PROSER1: variants seen among roughly 807,000 people sequenced by gnomAD.
PROSER1 encodes the protein proline and serine-rich protein 1.
In PROSER1, 36 loss-of-function variants were observed where a neutral mutation model predicts 71.8. That is an observed-to-expected ratio of 0.50 (90% CI 0.38 to 0.66). The LOEUF (loss-of-function observed/expected upper bound fraction) is 0.66. Ranked by LOEUF, PROSER1 falls within the 30% of genes least tolerant of loss-of-function variation. The pLI is 0.00. For synonymous variants in PROSER1, 490 were observed against 452.4 expected (o/e 1.08, Z -1.06); for missense variants, 1,107 against 1,135.0 (o/e 0.98, Z 0.35).
At chr13:39,037,130 T>C (rs532326565) in intron 1 of PROSER1, 68 bp downstream of exon 1, 12 of 1,179,390 alleles carry the variant, frequency 1.0e-5, no homozygotes, top group African/African-American at 9.0e-5. Context: ...CTCCATACAG[T>C]ACCTCAAAGA....
rs754440952 is a variant in PROSER1, at chr13:39,037,243, C to A, written c.-1G>T. On this transcript the variant is annotated 5_prime_UTR_variant, in exon 1 of 13. Coordinates refer to ENST00000352251, the MANE Select transcript of PROSER1 (RefSeq NM_025138.5). ...CCATTTCAAAGGACTTTTTATCCATCTTGACTACTATCCCGACGTGGTTTT... is the reference window on the plus strand; with the variant it reads ...CCATTTCAAAGGACTTTTTATCCATATTGACTACTATCCCGACGTGGTTTT... The A allele has an allele frequency of 6.2e-7, 1 of 1,608,816 alleles. No individual in the cohort carries two copies. The highest frequency in any genetic ancestry group is 2.2e-5 in the East Asian group (1 of 44,834).
Position 39,013,776 on chromosome 13 carries a change from A to G in PROSER1, c.1476T>C (p.Ala492=). 6.2e-7 allele frequency: 1 copy of G among 1,614,220 alleles called. No individual in the cohort carries two copies. Among genetic ancestry groups the G allele is most frequent in the Non-Finnish European group, 8.5e-7 (1 of 1,180,030 alleles). Residue 492 remains alanine, a synonymous_variant, in exon 11 of 13, where the codon GCT becomes GCC. Transcript: ENST00000352251. ...ATAGTGAAGCCAGCCCACTTGTGAC[A>G]GCAGAGGATAAAGCAGAGGAGTTGA... ...NLINSSALSS[A]VTSGLASLSS... is the part of the protein sequence containing the mutation.
At chr13:39,029,619 C>A (rs545957847) in intron 3 of PROSER1, among the ~76,000 whole-genome samples, 2 of 152,090 alleles carry the variant, frequency 1.3e-5, no homozygotes, top group Middle Eastern at 6.8e-3. Flanking sequence ...CCTTTTTTAT[C>A]CATTTCTCAA....
intron 5 of PROSER1, among the ~76,000 whole-genome samples, chr13:39,026,911 T>A (rs1162204342): frequency 1.3e-5 from 2 of 152,100 alleles, no homozygotes; most frequent in African/African-American, 4.8e-5. Context: ...TTATGAGAAA[T>A]AGTGAGGGAA....
Position 39,012,777 on chromosome 13 carries a change from G to A in PROSER1, c.2475C>T (p.Ala825=), listed in dbSNP as rs1239863865. 1 of 1,614,024 alleles carries A rather than the reference G, an allele frequency of 6.2e-7. No homozygotes were observed. Among genetic ancestry groups the A allele is most frequent in the Non-Finnish European group, 8.5e-7 (1 of 1,179,960 alleles). The change falls in exon 11 of 13, where the codon GCC becomes GCT. Residue 825 remains alanine, a synonymous_variant. Transcript: ENST00000352251. ...GGACTGGAGCTGGGGATGGGGCTGT[G>A]GCAGCCACAGGTAGTGGTGTGACAG... ...VAAVTPLPVA[A]TAPSPAPVLP...
At chr13:39,028,194 G>C (rs746995819) in intron 5 of PROSER1, 33 bp downstream of exon 5, 29 of 1,184,174 alleles carry the variant, frequency 2.4e-5, no homozygotes, top group Non-Finnish European at 3.4e-5. Flanking sequence ...AAAAACCAGC[G>C]TACCAAGTAC....
rs762444436 is a variant in PROSER1 at position 39,014,432 on chromosome 13, T to A, written c.820A>T (p.Asn274Tyr). ...GGAGTTGCAGCAGGTGTTGAAGGAT[T>A]AGAACCATGAGGAGAAAAGAGTTGA... ...ASQLFSPHGS[N>Y]PSTPAATPVP... The change falls in exon 11 of 13, where the codon AAT becomes TAT. Residue 274 changes from asparagine (N) to tyrosine (Y), a missense_variant. By Grantham distance (143) the Asn-to-Tyr change is moderately radical. Coordinates refer to ENST00000352251, the MANE Select transcript of PROSER1 (RefSeq NM_025138.5). The A allele has an allele frequency of 1.2e-6, 2 of 1,613,820 alleles. No homozygotes were observed. The highest frequency in any genetic ancestry group is 8.5e-7 in the Non-Finnish European group (1 of 1,179,864).
intron 9 of PROSER1, among the ~76,000 whole-genome samples, chr13:39,019,297 T>G (rs1870168337): frequency 6.7e-6 from 1 of 149,174 alleles, no homozygotes; most frequent in East Asian, 2.0e-4. Flanking sequence ...AGGTCAGGAG[T>G]TCGAGACCAG....
intron 5 of PROSER1, among the ~76,000 whole-genome samples, chr13:39,027,941 T>C (rs1207202570): frequency 6.6e-6 from 1 of 152,138 alleles, no homozygotes; most frequent in Non-Finnish European, 1.5e-5. Context: ...AAGCAAAAAC[T>C]TGAAGCCATG....
intron 9 of PROSER1, 83 bp downstream of exon 9, chr13:39,022,243 T>G: frequency 1.1e-6 from 1 of 913,980 alleles, no homozygotes; most frequent in Non-Finnish European, 1.8e-6. Flanking sequence ...TCTGTTAGAA[T>G]ACGTCATGCC....
At chr13:39,016,754 C>T (rs1484335695) in intron 10 of PROSER1, among the ~76,000 whole-genome samples, 1 of 152,192 alleles carries the variant, frequency 6.6e-6, no homozygotes, top group Non-Finnish European at 1.5e-5. Flanking sequence ...GTGTTCTTTA[C>T]ACCCCACTAT....
chr13:39,032,797 T>C (rs528687713), intron 2 of PROSER1, among the ~76,000 whole-genome samples: 1 of 152,316 alleles, frequency 6.6e-6, no homozygotes, highest in South Asian at 2.1e-4. Flanking sequence ...ATTTAGAAAG[T>C]GGCTTAATAA....
Position 39,013,847 on chromosome 13 carries a change from A to G in PROSER1, c.1405T>C (p.Leu469=), listed in dbSNP as rs746214485. The stretch of plus-strand genomic sequence containing the variant: ...GTCAGAAAACCTTTTAACGCAGACA[A>G]AAGAGGACTGTTCACACCAAGTGGA... ...AGPLGVNSPL[L]SALKGFLTSN... The change falls in exon 11 of 13, where the codon TTG becomes CTG. Residue 469 remains leucine, a synonymous_variant. Coordinates refer to ENST00000352251, the MANE Select transcript of PROSER1 (RefSeq NM_025138.5). 2 of 1,614,196 alleles carry G rather than the reference A, an allele frequency of 1.2e-6. No individual in the cohort carries two copies. Among genetic ancestry groups the G allele is most frequent in the East Asian group, 2.2e-5 (1 of 44,880 alleles).
Position 39,013,429 on chromosome 13 carries a change from T to C in PROSER1, c.1823A>G (p.Lys608Arg). Residue 608 changes from lysine to arginine, a missense_variant, in exon 11 of 13, where the codon AAA becomes AGA. Lys to Arg is a conservative substitution (Grantham distance 26). Coordinates refer to ENST00000352251, the MANE Select transcript of PROSER1 (RefSeq NM_025138.5). ...GGGAGTAGGACTTGTGGGCTCAGTT[T>C]TGATCATAACAGGAAGAGTTGTTGC... ...PAATTLPVMI[K>R]TEPTSPTPSA... 2 of 1,614,136 alleles carry C rather than the reference T, an allele frequency of 1.2e-6. No homozygotes were observed. Among genetic ancestry groups the C allele is most frequent in the Non-Finnish European group, 1.7e-6 (2 of 1,180,024 alleles).
intron 9 of PROSER1, among the ~76,000 whole-genome samples, chr13:39,018,314 G>C (rs1870102375): frequency 6.6e-6 from 1 of 152,058 alleles, no homozygotes; most frequent in Non-Finnish European, 1.5e-5. Context: ...AACCAATACT[G>C]TGACAGGCAT....
At position 39,037,363 on chromosome 13, in the gene PROSER1, G is replaced by A. The variant is rs2138143825; in HGVS notation, c.-121C>T. On this transcript the variant is annotated 5_prime_UTR_variant, in exon 1 of 13. Coordinates refer to ENST00000352251, the MANE Select transcript of PROSER1 (RefSeq NM_025138.5). ...GCTGAGGAGGAAAAAGACTCCACGA[G>A]CAAGAGAGGATGCGAAGAGGTAGAG... 2.7e-6 allele frequency: 2 copies of A among 754,340 alleles called. No individual in the cohort carries two copies. The highest frequency in any genetic ancestry group is 1.5e-5 in the South Asian group (1 of 65,458). The allele number at this position is 754,340 out of a possible 1,614,324, so 46.7% of individuals were successfully genotyped here. A position where few individuals can be genotyped will look rare whatever the true frequency, so the allele number is the denominator to read the frequency against.
At chr13:39,034,626 G>A (rs1593543408) in intron 1 of PROSER1, among the ~76,000 whole-genome samples, 1 of 152,218 alleles carries the variant, frequency 6.6e-6, no homozygotes, top group Non-Finnish European at 1.5e-5. Context: ...CTAAGTGACA[G>A]AGAAGCAAGA....
chr13:39,031,883 G>A (rs1192617472), intron 2 of PROSER1, among the ~76,000 whole-genome samples: 1 of 152,184 alleles, frequency 6.6e-6, no homozygotes, highest in Non-Finnish European at 1.5e-5. Flanking sequence ...CCAGAGCTAT[G>A]TGAGGCTGAT....
intron 12 of PROSER1, 107 bp from the exon 13 acceptor site, chr13:39,011,594 A>G (rs2138093499): frequency 8.7e-7 from 1 of 1,148,372 alleles, no homozygotes; most frequent in South Asian, 1.6e-5. Context: ...AAAGAAAGAC[A>G]AGACAAAACT....
Sources: allele counts gnomAD v4.1 joint callset (sites outside exome capture counted in the v4.1 genomes callset), GRCh38; gene constraint gnomAD v4.1.1; transcripts MANE v1.5; gene names NCBI Gene and HGNC (gene_info 2026-07-23, HGNC 2026-07-21).